The following UNC5D variants were observed in gnomAD, a reference collection of about 807,000 sequenced individuals.
The protein encoded by UNC5D is netrin receptor UNC5D.
UNC5D carries 39 observed loss-of-function variants against 105.4 expected under a neutral mutation model. That is an observed-to-expected ratio of 0.37 (90% CI 0.29 to 0.48). UNC5D has a LOEUF of 0.48. UNC5D is among the 20% of genes least tolerant of loss of function. UNC5D has a pLI of 0.98. For synonymous variants in UNC5D, 452 were observed against 450.4 expected (o/e 1.00, Z -0.04); for missense variants, 991 against 1,202.4 (o/e 0.82, Z 2.60).
intron 1 of UNC5D, among the ~76,000 whole-genome samples, chr8:35,399,093 C>T (rs983003806): frequency 2.1e-4 from 29 of 136,516 alleles, no homozygotes; most frequent in African/African-American, 5.3e-4. Context: ...TGCAGTGGGG[C>T]GAGATGACAC....
At chr8:35,610,563 G>A (rs1181539231) in intron 4 of UNC5D, among the ~76,000 whole-genome samples, 1 of 152,126 alleles carries the variant, frequency 6.6e-6, no homozygotes, top group Non-Finnish European at 1.5e-5. Flanking sequence ...CCTTCGAAGG[G>A]CAAGGAGCAC....
At chr8:35,490,812 A>G (rs1056503057) in intron 1 of UNC5D, among the ~76,000 whole-genome samples, 2 of 152,120 alleles carry the variant, frequency 1.3e-5, no homozygotes, top group African/African-American at 4.8e-5. Flanking sequence ...TATTTCATCA[A>G]ATGGCTTCAG....
chr8:35,323,286 C>T (rs1809894756), intron 1 of UNC5D, among the ~76,000 whole-genome samples: 1 of 147,786 alleles, frequency 6.8e-6, no homozygotes, highest in Non-Finnish European at 1.5e-5. Context: ...CAGGATTAAG[C>T]TTTTGGAGAA....
At chr8:35,449,055 G>A (rs1346351907) in intron 1 of UNC5D, among the ~76,000 whole-genome samples, 1 of 152,088 alleles carries the variant, frequency 6.6e-6, no homozygotes, top group Admixed American at 6.6e-5. Flanking sequence ...TTTAATGAAT[G>A]AACACCAAAG....
intron 16 of UNC5D, among the ~76,000 whole-genome samples, chr8:35,780,587 A>G (rs1802459323): frequency 6.6e-6 from 1 of 152,206 alleles, no homozygotes; most frequent in South Asian, 2.1e-4. Flanking sequence ...GGAGGGGAAA[A>G]AAAAGAGGGA....
intron 1 of UNC5D, among the ~76,000 whole-genome samples, chr8:35,434,474 C>T (rs1464068129): frequency 1.3e-5 from 2 of 151,972 alleles, no homozygotes; most frequent in Non-Finnish European, 2.9e-5. Context: ...TTAAACTTCT[C>T]ACCTGGAAAT....
intron 1 of UNC5D, among the ~76,000 whole-genome samples, chr8:35,360,740 G>A (rs1374794192): frequency 6.6e-6 from 1 of 152,156 alleles, no homozygotes; most frequent in African/African-American, 2.4e-5. Context: ...TGGGCATGGT[G>A]GCAGTGGCAA....
At chr8:35,360,240 G>A (rs1801787445) in intron 1 of UNC5D, among the ~76,000 whole-genome samples, 1 of 152,088 alleles carries the variant, frequency 6.6e-6, no homozygotes. Context: ...CCCAACATCA[G>A]TGTTGTCTCT....
rs554308601 is a variant in UNC5D, at chr8:35,446,241, C to G, written c.104-103051C>G. ...AATGATTCCCTGCATTTCCAACATGCAGATGTTTTATTTGTATGTGGGATT... is the reference window on the plus strand; with the variant it reads ...AATGATTCCCTGCATTTCCAACATGGAGATGTTTTATTTGTATGTGGGATT... On this transcript the variant is annotated intron_variant, in intron 1 of 16. Coordinates refer to ENST00000404895, the MANE Select transcript of UNC5D (RefSeq NM_080872.4). 7.2e-5 allele frequency among the ~76,000 whole-genome samples: 11 copies of G among 151,846 alleles called. No individual in the cohort carries two copies. In the South Asian group the frequency reaches 1.5e-3, roughly 20 times the overall value.
At chr8:35,664,078 C>T (rs2131245565) in intron 4 of UNC5D, among the ~76,000 whole-genome samples, 1 of 152,246 alleles carries the variant, frequency 6.6e-6, no homozygotes, top group Non-Finnish European at 1.5e-5. Context: ...TGTGATACTT[C>T]TGATGTTTGT....
chr8:35,784,763 A>AAC (rs1305520304), intron 16 of UNC5D, among the ~76,000 whole-genome samples: 1 of 152,122 alleles, frequency 6.6e-6, no homozygotes, highest in African/African-American at 2.4e-5. Context: ...TAAAATAATT[A>AAC]ATAAAAAATA....
intron 1 of UNC5D, among the ~76,000 whole-genome samples, chr8:35,532,311 A>C (rs1030412794): frequency 1.1e-3 from 166 of 151,206 alleles, no homozygotes; most frequent in South Asian, 2.1e-3. Context: ...TATGAAGCTT[A>C]GTTTGGCTGG....
At chr8:35,627,011 G>A (rs1294073206) in intron 4 of UNC5D, among the ~76,000 whole-genome samples, 1 of 152,120 alleles carries the variant, frequency 6.6e-6, no homozygotes, top group Non-Finnish European at 1.5e-5. Context: ...CCTAGTAAAT[G>A]CTAACTCTTT....
Position 35,266,792 on chromosome 8 carries a change from G to C in UNC5D, c.103+30905G>C, listed in dbSNP as rs1804905200. On this transcript the variant is annotated intron_variant, in intron 1 of 16. Transcript: ENST00000404895. ...CCTTGGTGAAGGCTGGGCTCAGCTGGGATGGTTAATGGAGCACCTACACAT... is the reference window on the plus strand; with the variant it reads ...CCTTGGTGAAGGCTGGGCTCAGCTGCGATGGTTAATGGAGCACCTACACAT... Among the ~76,000 whole-genome samples, 4 of 123,230 alleles carry C rather than the reference G, an allele frequency of 3.2e-5. No homozygotes were observed. The Admixed American group carries it at 3.3e-4, about 10-fold the overall frequency. 80.8% of individuals were successfully genotyped at this position (123,230 alleles called of 152,430 possible). A position where few individuals can be genotyped will look rare whatever the true frequency, so the allele number is the denominator to read the frequency against.
chr8:35,452,978 G>A (rs1808261058), intron 1 of UNC5D, among the ~76,000 whole-genome samples: 1 of 152,020 alleles, frequency 6.6e-6, no homozygotes, highest in South Asian at 2.1e-4. Context: ...GATGTCTAGA[G>A]TCCAAAAAAA....
chr8:35,472,567 T>A (rs968856925), intron 1 of UNC5D, among the ~76,000 whole-genome samples: 1 of 152,128 alleles, frequency 6.6e-6, no homozygotes, highest in Non-Finnish European at 1.5e-5. Flanking sequence ...AGCACACTTA[T>A]CAGAAGGGAT....
intron 1 of UNC5D, among the ~76,000 whole-genome samples, chr8:35,466,998 G>C (rs545760052): frequency 6.6e-6 from 1 of 152,260 alleles, no homozygotes; most frequent in African/African-American, 2.4e-5. Flanking sequence ...GAATAAAAAT[G>C]ATTAAAGTCT....
intron 1 of UNC5D, among the ~76,000 whole-genome samples, chr8:35,396,704 G>C (rs1804123430): frequency 1.3e-5 from 2 of 151,844 alleles, no homozygotes; most frequent in Non-Finnish European, 2.9e-5. Flanking sequence ...CACCATGTTG[G>C]CCAGGCTGGT....
At chr8:35,666,782 TAG>T (rs1824450312) in intron 4 of UNC5D, among the ~76,000 whole-genome samples, 1 of 152,312 alleles carries the variant, frequency 6.6e-6, no homozygotes, top group African/African-American at 2.4e-5. Flanking sequence ...TCAATTTGGT[TAG>T]TGAAATTGCA....
Sources: gnomAD v4.1 joint callset for allele counts (sites outside exome capture counted in the v4.1 genomes callset) on GRCh38, gnomAD v4.1.1 for gene constraint, MANE v1.5 for transcripts, NCBI Gene and HGNC (gene_info 2026-07-23, HGNC 2026-07-21) for gene names.